KLHL1: variants seen among roughly 807,000 people sequenced by gnomAD.
KLHL1 encodes kelch like family member 1.
In KLHL1, 47 loss-of-function variants were observed where a neutral mutation model predicts 77.7. The ratio of observed to expected loss-of-function variants is 0.60; its 90% confidence interval spans 0.48 to 0.77. KLHL1 has a LOEUF of 0.77. Ranked by LOEUF, KLHL1 falls within the 30% of genes least tolerant of loss-of-function variation. KLHL1 has a pLI of 0.00. For synonymous variants in KLHL1, 360 were observed against 325.2 expected (o/e 1.11, Z -1.15); for missense variants, 925 against 910.8 (o/e 1.02, Z -0.20).
chr13:69,907,744 A>C (rs1882090527), intron 4 of KLHL1, among the ~76,000 whole-genome samples: 1 of 152,048 alleles, frequency 6.6e-6, no homozygotes, highest in South Asian at 2.1e-4. Context: ...TATCACAGAG[A>C]ATGGGAAACC....
intron 1 of KLHL1, among the ~76,000 whole-genome samples, chr13:70,024,620 T>TTCTCTCTCTCTCTTTCTCTCTTTCTC (rs1555291446): frequency 1.8e-4 from 24 of 130,400 alleles, no homozygotes; most frequent in African/African-American, 6.3e-4. Context: ...GAGAAAAGAT[T>TTCTCTCTCTCTCTTTCTCTCTTTCTC]TCTCTCTCTC....
chr13:70,030,669 T>G (rs575022277), intron 1 of KLHL1, among the ~76,000 whole-genome samples: 11 of 151,904 alleles, frequency 7.2e-5, no homozygotes, highest in Admixed American at 7.2e-4. Flanking sequence ...CACCCTAACA[T>G]CACAATTAAG....
At chr13:70,038,668 G>C (rs897595425) in intron 1 of KLHL1, among the ~76,000 whole-genome samples, 1 of 125,234 alleles carries the variant, frequency 8.0e-6, no homozygotes, top group Admixed American at 1.1e-4. Context: ...TCAGCTCACT[G>C]TAACCTCTGC....
At chr13:69,970,872 G>A (rs1475644802) in intron 2 of KLHL1, among the ~76,000 whole-genome samples, 1 of 152,006 alleles carries the variant, frequency 6.6e-6, no homozygotes, top group East Asian at 1.9e-4. Context: ...GAGGGAATCT[G>A]GCTTATGACA....
chr13:70,103,221 T>C (rs1887966629), intron 1 of KLHL1, among the ~76,000 whole-genome samples: 2 of 152,016 alleles, frequency 1.3e-5, no homozygotes, highest in South Asian at 4.1e-4. Context: ...AACAACTTTG[T>C]GAGTTCCAGA....
intron 2 of KLHL1, among the ~76,000 whole-genome samples, chr13:69,973,790 A>G (rs1388559406): frequency 1.3e-5 from 2 of 152,036 alleles, no homozygotes; most frequent in African/African-American, 4.8e-5. Context: ...GATGTACATT[A>G]CTTGTAAAAT....
At chr13:70,002,098 A>T (rs1885306373) in intron 1 of KLHL1, among the ~76,000 whole-genome samples, 1 of 151,662 alleles carries the variant, frequency 6.6e-6, no homozygotes, top group Admixed American at 6.6e-5. Flanking sequence ...AACAAAATTC[A>T]GCACTCTTTA....
At chr13:69,711,016 AC>A (rs1875851374) in intron 9 of KLHL1, among the ~76,000 whole-genome samples, 1 of 152,092 alleles carries the variant, frequency 6.6e-6, no homozygotes, top group African/African-American at 2.4e-5. Flanking sequence ...TTAAAGGCAT[AC>A]GATAGTCACA....
chr13:69,966,043 A>G (rs975957761), intron 2 of KLHL1, among the ~76,000 whole-genome samples: 2 of 152,196 alleles, frequency 1.3e-5, no homozygotes, highest in African/African-American at 4.8e-5. Flanking sequence ...GGTTTTTGCC[A>G]TTACTTTTAA....
chr13:69,884,741 T>A (rs1881131362), intron 4 of KLHL1, among the ~76,000 whole-genome samples: 1 of 152,168 alleles, frequency 6.6e-6, no homozygotes. Context: ...TTCTCCTGAA[T>A]AAATTGGTTT....
In KLHL1 at chr13:69,964,513, C is replaced by T. The variant is rs562568895; in HGVS notation, c.681-3069G>A. Among the ~76,000 whole-genome samples the T allele has an allele frequency of 2.6e-5, 4 of 152,164 alleles. 1 individual carries two copies. The South Asian group carries it at 8.3e-4, about 32-fold the overall frequency. On this transcript the variant is annotated intron_variant, in intron 2 of 10. Transcript: ENST00000377844. ...ATATGTTTTTCTGAGCTTCCTGGAG[C>T]AGTGCATGGATCCTTTTAAATCAAA...
At chr13:70,007,928 C>A (rs1397335378) in intron 1 of KLHL1, among the ~76,000 whole-genome samples, 1 of 151,824 alleles carries the variant, frequency 6.6e-6, no homozygotes, top group East Asian at 1.9e-4. Context: ...TGGTGTTGAT[C>A]AAAAGCAGCC....
At chr13:69,768,030 G>T (rs1052827958) in intron 7 of KLHL1, among the ~76,000 whole-genome samples, 1 of 152,080 alleles carries the variant, frequency 6.6e-6, no homozygotes, top group African/African-American at 2.4e-5. Context: ...TTGTTTGTAT[G>T]TTTCATCTAT....
At chr13:70,014,040 C>G (rs553709057) in intron 1 of KLHL1, among the ~76,000 whole-genome samples, 1 of 151,956 alleles carries the variant, frequency 6.6e-6, no homozygotes, top group African/African-American at 2.4e-5. Flanking sequence ...AAAATATATT[C>G]AATTTTATGT....
At chr13:69,747,835 C>A (rs1874284523) in intron 7 of KLHL1, among the ~76,000 whole-genome samples, 1 of 151,622 alleles carries the variant, frequency 6.6e-6, no homozygotes, top group Non-Finnish European at 1.5e-5. Context: ...TTTAACTATT[C>A]TTAGTGAAAA....
rs191675129 is a variant in KLHL1, at chr13:69,858,015, C to G, written c.1228-18853G>C. 2.0e-3 allele frequency among the ~76,000 whole-genome samples: 297 copies of G among 152,116 alleles called. 2 individuals carry two copies. Among genetic ancestry groups the G allele is most frequent in the African/African-American group, 6.8e-3 (281 of 41,532 alleles). ...AATTTAAACAATAACTGGTTTTCAA[C>G]TGACTACACCAGTTGTTAGATACAT... is the stretch of plus-strand genomic sequence containing the variant. On this transcript the variant is annotated intron_variant, in intron 5 of 10. Coordinates refer to ENST00000377844, the MANE Select transcript of KLHL1 (RefSeq NM_020866.3).
chr13:69,877,953 G>A (rs1001661116), intron 5 of KLHL1, among the ~76,000 whole-genome samples: 1 of 151,950 alleles, frequency 6.6e-6, no homozygotes, highest in Admixed American at 6.6e-5. Context: ...ACACATAATG[G>A]GCCTACTAAT....
intron 4 of KLHL1, among the ~76,000 whole-genome samples, chr13:69,892,682 T>TG (rs1205469273): frequency 1.3e-5 from 2 of 152,240 alleles, no homozygotes; most frequent in Non-Finnish European, 1.5e-5. Context: ...TTTGTCCTTA[T>TG]GCTTATATGC....
chr13:69,878,756 T>C lies in KLHL1; in HGVS notation c.1227+3527A>G, dbSNP rs565242654. Among the ~76,000 whole-genome samples, 56 of 151,520 alleles carry C rather than the reference T, an allele frequency of 3.7e-4. No individual in the cohort carries two copies. The South Asian group carries it at 0.012, about 31-fold the overall frequency. ...GAGAGTGAGAGAGAGAAAGATTGAATACCCAAAGGAATATAAATCATGCTG... is the reference window on the plus strand; with the variant it reads ...GAGAGTGAGAGAGAGAAAGATTGAACACCCAAAGGAATATAAATCATGCTG... On this transcript the variant is annotated intron_variant, in intron 5 of 10. Coordinates refer to ENST00000377844, the MANE Select transcript of KLHL1 (RefSeq NM_020866.3).
Sources: gnomAD v4.1 joint callset for allele counts (sites outside exome capture counted in the v4.1 genomes callset) on GRCh38, gnomAD v4.1.1 for gene constraint, MANE v1.5 for transcripts, NCBI Gene and HGNC (gene_info 2026-07-23, HGNC 2026-07-21) for gene names.